The following RIC3 variants were observed in gnomAD, a reference collection of about 807,000 sequenced individuals.
The protein encoded by RIC3 is RIC3 acetylcholine receptor chaperone, also known as protein RIC-3.
Under a neutral mutation model 27.3 loss-of-function variants are expected in RIC3, and 28 were observed. The observed-to-expected ratio is 1.02, with a 90% confidence interval of 0.76 to 1.41. The LOEUF (loss-of-function observed/expected upper bound fraction) is 1.41, where lower values mean the gene tolerates loss of function less well. RIC3 is among the 40% of genes most tolerant of loss of function. The probability of loss-of-function intolerance (pLI) is 0.00; values close to 1 mark genes in which losing one functional copy is unlikely to be tolerated. For synonymous variants in RIC3, 184 were observed against 160.4 expected (o/e 1.15, Z -1.11); for missense variants, 501 against 444.7 (o/e 1.13, Z -1.14).
chr11:8,101,885 T>G (rs900940671), downstream of RIC3: 2 of 506,552 alleles, frequency 3.9e-6, no homozygotes, highest in African/African-American at 1.9e-5. Context: ...CTCCCACCCT[T>G]GGGGTAGTAG....
chr11:8,140,086 T>C lies in RIC3; in HGVS notation c.232A>G (p.Lys78Glu), dbSNP rs1212536434. 2 of 1,614,106 alleles carry C rather than the reference T, an allele frequency of 1.2e-6. No individual in the cohort carries two copies. The highest frequency in any genetic ancestry group is 1.1e-5 in the South Asian group (1 of 91,072). The change falls in exon 2 of 6, where the codon AAG (lysine) becomes GAG (glutamate). Residue 78 changes from lysine to glutamate, a missense_variant. Physicochemically the swap from Lys to Glu is moderately conservative, Grantham distance 56 (BLOSUM62 1). Coordinates refer to ENST00000309737, the MANE Select transcript of RIC3 (RefSeq NM_001206671.4). ...QRSHLAEAFA[K>E]AKGSGGGAGG... ...GCACCTCCACCTGATCCTTTGGCCT[T>C]TGCAAATGCCTCGGCAAGGTGAGAC...
At chr11:8,105,634 T>C (rs572379550), downstream of RIC3, 1 of 152,282 alleles carries the variant, frequency 6.6e-6, no homozygotes, top group Non-Finnish European at 1.5e-5. Context: ...AGATGTTACA[T>C]TGTCAAAGCT....
intron 1 of RIC3, among the ~76,000 whole-genome samples, chr11:8,145,768 T>C (rs1353958146): frequency 6.6e-6 from 1 of 151,740 alleles, no homozygotes; most frequent in Non-Finnish European, 1.5e-5. Flanking sequence ...TAAACAGGCA[T>C]GTATGAAAAA....
the RIC3 span, chr11:8,097,313 C>T: frequency 1.2e-4 from 200 of 1,614,138 alleles, 1 homozygote; most frequent in Non-Finnish European, 1.6e-4. Context: ...GCACTGAGGC[C>T]GGCCCCCCAG....
Position 8,138,269 on chromosome 11 carries a change from T to TA in RIC3, c.427+2dup, listed in dbSNP as rs752141657. ...TGTGAATATACTGAGAAGGGGCACT[T>TA]ACTAATTTTCCTGTGGGTGTTTCCA... On this transcript the variant is annotated splice_region_variant and intron_variant, in intron 3 of 5. Transcript: ENST00000309737. 9 of 1,605,710 alleles carry TA rather than the reference T, an allele frequency of 5.6e-6. No homozygotes were observed. Among genetic ancestry groups the TA allele is most frequent in the Non-Finnish European group, 7.7e-6 (9 of 1,172,486 alleles).
At chr11:8,130,662 T>C (rs1947580796) in intron 4 of RIC3, among the ~76,000 whole-genome samples, 1 of 152,144 alleles carries the variant, frequency 6.6e-6, no homozygotes, top group African/African-American at 2.4e-5. Flanking sequence ...AGCCTTCTAG[T>C]ATGTAGTCAC....
the RIC3 span, chr11:8,095,672 C>T: frequency 2.5e-6 from 4 of 1,583,936 alleles, no homozygotes; most frequent in East Asian, 6.9e-5. Flanking sequence ...AAGGGTGAGC[C>T]CCATGGGGAC....
intron 5 of RIC3, among the ~76,000 whole-genome samples, chr11:8,116,843 G>A (rs1261516468): frequency 6.6e-6 from 1 of 152,194 alleles, no homozygotes; most frequent in Non-Finnish European, 1.5e-5. Context: ...ATGGAAAACA[G>A]TATACTGGCT....
At position 8,107,732 on chromosome 11, in the gene RIC3, G is replaced by C. The variant is rs995000200; in HGVS notation, c.*2966C>G. 3.3e-5 allele frequency: 5 copies of C among 152,130 alleles called. No homozygotes were observed. The allele number at this position is 152,130 out of a possible 1,614,324, so 9.4% of individuals were successfully genotyped here. ...TGTGCTCCTGTTGTGACCAGGAAAG[G>C]GGATCTCCTGGCTGCACCACCCACC... On this transcript the variant is annotated 3_prime_UTR_variant, in exon 6 of 6. Transcript: ENST00000309737.
chr11:8,108,671 C>T lies in RIC3; in HGVS notation c.*2027G>A, dbSNP rs1944924804. ...TGCCTGCAGGATTCACGATCCTGAG[C>T]CCTCTTACAGGGTCATAGTTCATTT... On this transcript the variant is annotated 3_prime_UTR_variant, in exon 6 of 6. Transcript: ENST00000309737. 1 of 152,188 alleles carries T rather than the reference C, an allele frequency of 6.6e-6. No homozygotes were observed. The allele number at this position is 152,188 out of a possible 1,614,324, so 9.4% of individuals were successfully genotyped here. A position where few individuals can be genotyped will look rare whatever the true frequency, so the allele number is the denominator to read the frequency against.
At chr11:8,138,200 C>A in intron 3 of RIC3, 72 bp downstream of exon 3, 1 of 1,088,054 alleles carries the variant, frequency 9.2e-7, no homozygotes, top group African/African-American at 1.6e-5. Flanking sequence ...GACATACCCA[C>A]AGACTGTCCC....
intron 4 of RIC3, among the ~76,000 whole-genome samples, chr11:8,136,023 G>C (rs1043796922): frequency 5.3e-5 from 8 of 152,164 alleles, no homozygotes; most frequent in Admixed American, 5.2e-4. Flanking sequence ...ATATATTAAT[G>C]TATCTATACA....
At chr11:8,122,169 T>C (rs957551754) in intron 5 of RIC3, among the ~76,000 whole-genome samples, 10 of 152,222 alleles carry the variant, frequency 6.6e-5, no homozygotes, top group Non-Finnish European at 1.5e-5. Context: ...TTAATATTGA[T>C]ATAGTCAGTA....
chr11:8,141,507 G>A (rs201479443), intron 1 of RIC3, among the ~76,000 whole-genome samples: 1 of 151,806 alleles, frequency 6.6e-6, no homozygotes, highest in Non-Finnish European at 1.5e-5. Flanking sequence ...ACCCAATACA[G>A]GAGCACCCAG....
At chr11:8,096,428 G>A in the RIC3 span, among the ~76,000 whole-genome samples, 60 of 152,330 alleles carry the variant, frequency 3.9e-4, no homozygotes, top group African/African-American at 1.4e-3. Flanking sequence ...AAACTGGGTG[G>A]TGGGGATATA....
intron 2 of RIC3, chr11:8,139,667 G>C (rs1948822644): frequency 4.5e-6 from 1 of 224,268 alleles, no homozygotes; most frequent in African/African-American, 2.5e-5. Context: ...TTTTTGGCAG[G>C]GGAGTGCATT....
chr11:8,152,532 A>G (rs1305951811), intron 1 of RIC3, among the ~76,000 whole-genome samples: 1 of 152,208 alleles, frequency 6.6e-6, no homozygotes, highest in Non-Finnish European at 1.5e-5. Flanking sequence ...ATAGGACAGA[A>G]AGTAGACTAG....
intron 4 of RIC3, chr11:8,135,578 T>G (rs948532920): frequency 2.0e-5 from 3 of 152,192 alleles, no homozygotes; most frequent in Non-Finnish European, 4.4e-5. Context: ...TTGGGCAGTA[T>G]GGCCATTTTC....
Position 8,167,777 on chromosome 11 carries a change from A to G in RIC3, c.124+1089T>C, listed in dbSNP as rs555602665. On this transcript the variant is annotated intron_variant, in intron 1 of 5. Transcript: ENST00000309737. Reference sequence around the variant, plus strand: ...GGATTATTGCAATAAGACAGAAAGGAAAAAAAAAGAACAAATACGCAAAGA... The same window carrying G: ...GGATTATTGCAATAAGACAGAAAGGGAAAAAAAAGAACAAATACGCAAAGA... Among the ~76,000 whole-genome samples, 8 of 149,910 alleles carry G rather than the reference A, an allele frequency of 5.3e-5. No homozygotes were observed. In the East Asian group the frequency reaches 5.8e-4, roughly 11 times the overall value.
Sources: gnomAD v4.1 joint callset for allele counts (sites outside exome capture counted in the v4.1 genomes callset) on GRCh38, gnomAD v4.1.1 for gene constraint, MANE v1.5 for transcripts, NCBI Gene and HGNC (gene_info 2026-07-23, HGNC 2026-07-21) for gene names.